Variants in KHDRBS2 observed in about 807,000 individuals in gnomAD.
The protein encoded by KHDRBS2 is KH RNA binding domain containing, signal transduction associated 2.
KHDRBS2 carries 26 observed loss-of-function variants against 44.3 expected under a neutral mutation model. The observed-to-expected ratio is 0.59, with a 90% CI of 0.43 to 0.81. The LOEUF (loss-of-function observed/expected upper bound fraction) is 0.81, where lower values mean the gene tolerates loss of function less well. Ranked by LOEUF, KHDRBS2 falls within the 40% of genes least tolerant of loss-of-function variation. The pLI is 0.00. For missense variants in KHDRBS2, 476 were observed against 433.1 expected (o/e 1.10, Z -0.88); for synonymous variants, 194 against 151.1 (o/e 1.28, Z -2.08).
chr6:62,285,669 G>A (rs1297930151), intron 1 of KHDRBS2, among the ~76,000 whole-genome samples, 189 bp downstream of exon 1: 2 of 152,140 alleles, frequency 1.3e-5, no homozygotes, highest in Non-Finnish European at 2.9e-5. Context: ...ATTAAGACGT[G>A]GAGAAGGAGC....
chr6:61,980,651 C>T lies in KHDRBS2; in HGVS notation c.337-2439G>A, dbSNP rs371573523. Among the ~76,000 whole-genome samples the T allele has an allele frequency of 1.1e-4, 16 of 152,242 alleles. No homozygotes were observed. The East Asian group carries it at 3.1e-3, about 29-fold the overall frequency. On this transcript the variant is annotated intron_variant, in intron 3 of 8. Transcript: ENST00000281156. ...AGGAAACAAAAGTTACTTAGGAGTC[C>T]AGTGTTCAGGACCCAGATGGCATGG...
chr6:61,968,839 T>C (rs1770695769), intron 4 of KHDRBS2, among the ~76,000 whole-genome samples: 1 of 152,038 alleles, frequency 6.6e-6, no homozygotes, highest in South Asian at 2.1e-4. Flanking sequence ...GCCTTTAGTA[T>C]CCTCACTGGT....
the KHDRBS2 span, among the ~76,000 whole-genome samples, chr6:61,642,465 G>T: frequency 1.3e-5 from 2 of 150,010 alleles, no homozygotes; most frequent in Non-Finnish European, 3.0e-5. Context: ...AGACAAGCCT[G>T]GGCAACAAGC....
intron 3 of KHDRBS2, among the ~76,000 whole-genome samples, chr6:62,013,280 A>G (rs1780629532): frequency 6.6e-6 from 1 of 152,190 alleles, no homozygotes; most frequent in East Asian, 1.9e-4. Flanking sequence ...GTACCTAGTT[A>G]TAAACATGAA....
chr6:62,102,260 G>A (rs1802069049), intron 2 of KHDRBS2, among the ~76,000 whole-genome samples: 1 of 152,142 alleles, frequency 6.6e-6, no homozygotes, highest in African/African-American at 2.4e-5. Context: ...TATTGTATTA[G>A]TCTCTTCTCA....
chr6:61,934,615 AT>A (rs1810695757), intron 4 of KHDRBS2, among the ~76,000 whole-genome samples: 1 of 152,190 alleles, frequency 6.6e-6, no homozygotes, highest in Non-Finnish European at 1.5e-5. Context: ...TAATAGGTCA[AT>A]TTTCTTGACT....
intron 6 of KHDRBS2, among the ~76,000 whole-genome samples, chr6:61,771,778 C>T (rs572511065): frequency 7.9e-5 from 12 of 152,054 alleles, no homozygotes; most frequent in Admixed American, 1.3e-4. Flanking sequence ...GACAGATCAA[C>T]GGAACAGAAA....
At chr6:62,236,144 T>A (rs1004469810) in intron 1 of KHDRBS2, among the ~76,000 whole-genome samples, 1 of 152,118 alleles carries the variant, frequency 6.6e-6, no homozygotes, top group Non-Finnish European at 1.5e-5. Context: ...CATAATATAA[T>A]GTATTAGAGT....
At chr6:62,217,062 C>G (rs1279502558) in intron 1 of KHDRBS2, among the ~76,000 whole-genome samples, 2 of 149,320 alleles carry the variant, frequency 1.3e-5, no homozygotes, top group African/African-American at 2.4e-5. Context: ...AAGAACAAAC[C>G]CTGACACTAT....
chr6:62,098,714 T>A (rs1003006930), intron 2 of KHDRBS2, among the ~76,000 whole-genome samples: 2 of 152,170 alleles, frequency 1.3e-5, no homozygotes, highest in African/African-American at 4.8e-5. Flanking sequence ...TCTGTTACAA[T>A]TTTTTGAATA....
At chr6:61,599,323 C>T in the KHDRBS2 span, among the ~76,000 whole-genome samples, 1 of 152,098 alleles carries the variant, frequency 6.6e-6, no homozygotes, top group Non-Finnish European at 1.5e-5. Context: ...AGTATTCTTT[C>T]ATATATAGTC....
intron 6 of KHDRBS2, among the ~76,000 whole-genome samples, chr6:61,803,749 G>A (rs1786667286): frequency 1.3e-5 from 2 of 152,092 alleles, no homozygotes; most frequent in South Asian, 4.1e-4. Context: ...ATGGCAAATG[G>A]CACTTCTTCA....
intron 4 of KHDRBS2, among the ~76,000 whole-genome samples, chr6:61,924,712 A>G (rs1808652852): frequency 6.6e-6 from 1 of 151,864 alleles, no homozygotes; most frequent in Admixed American, 6.6e-5. Context: ...CTAAGGTCAT[A>G]TAAATATTTT....
the KHDRBS2 span, among the ~76,000 whole-genome samples, chr6:61,587,827 C>G: frequency 6.6e-6 from 1 of 152,134 alleles, no homozygotes; most frequent in Non-Finnish European, 1.5e-5. Context: ...CATGCATACA[C>G]ATCATTTCAA....
chr6:62,155,913 A>G (rs1816266757), intron 2 of KHDRBS2, among the ~76,000 whole-genome samples: 1 of 152,206 alleles, frequency 6.6e-6, no homozygotes. Flanking sequence ...GGTGTATTTT[A>G]GGGGAAAAAT....
chr6:61,795,914 T>A (rs1785284768), intron 6 of KHDRBS2, among the ~76,000 whole-genome samples: 1 of 151,700 alleles, frequency 6.6e-6, no homozygotes, highest in Non-Finnish European at 1.5e-5. Flanking sequence ...TAGGGTGTTT[T>A]AAAAAAAAGT....
chr6:61,768,208 C>T (rs183187599), intron 6 of KHDRBS2, among the ~76,000 whole-genome samples: 1 of 152,138 alleles, frequency 6.6e-6, no homozygotes, highest in African/African-American at 2.4e-5. Context: ...CCAGTGGAAA[C>T]CTTATGTCAA....
intron 6 of KHDRBS2, among the ~76,000 whole-genome samples, chr6:61,824,841 C>G (rs1401033299): frequency 6.6e-6 from 1 of 151,650 alleles, no homozygotes; most frequent in Non-Finnish European, 1.5e-5. Context: ...AAATATTTAC[C>G]AGAAATCTAA....
At chr6:62,117,681 C>A (rs995358116) in intron 2 of KHDRBS2, among the ~76,000 whole-genome samples, 3 of 152,106 alleles carry the variant, frequency 2.0e-5, no homozygotes, top group Admixed American at 6.6e-5. Flanking sequence ...TGTGCTTTCC[C>A]AGACCAATGT....
Sources: allele counts gnomAD v4.1 joint callset (sites outside exome capture counted in the v4.1 genomes callset), GRCh38; gene constraint gnomAD v4.1.1; transcripts MANE v1.5; gene names NCBI Gene and HGNC (gene_info 2026-07-23, HGNC 2026-07-21).